The following KAZN variants were observed in gnomAD, a reference collection of about 807,000 sequenced individuals.
KAZN encodes the protein kazrin, periplakin interacting protein.
In KAZN, 40 loss-of-function variants were observed where a neutral mutation model predicts 87.4. The ratio of observed to expected loss-of-function variants is 0.46; its 90% CI spans 0.36 to 0.60. The LOEUF (loss-of-function observed/expected upper bound fraction) is 0.60, where lower values mean the gene tolerates loss of function less well. Ranked by LOEUF, KAZN falls within the 20% of genes least tolerant of loss-of-function variation. KAZN has a pLI of 0.00. For synonymous variants in KAZN, 466 were observed against 458.3 expected (o/e 1.02, Z -0.22); for missense variants, 898 against 1,073.9 (o/e 0.84, Z 2.29).
chr1:14,554,885 G>A (rs2148517667), intron 2 of KAZN, among the ~76,000 whole-genome samples: 1 of 152,272 alleles, frequency 6.6e-6, no homozygotes, highest in South Asian at 2.1e-4. Flanking sequence ...CCATCCCAGT[G>A]CTACACAAAC....
At chr1:14,758,482 A>AT (rs35168767) in intron 1 of KAZN, among the ~76,000 whole-genome samples, 15 of 149,988 alleles carry the variant, frequency 1.0e-4, no homozygotes, top group South Asian at 2.1e-4. Flanking sequence ...TAATTTTTTA[A>AT]TTTTTTTTTT....
intron 1 of KAZN, among the ~76,000 whole-genome samples, chr1:14,827,683 A>G (rs1201441548): frequency 1.3e-5 from 2 of 152,230 alleles, no homozygotes; most frequent in Non-Finnish European, 2.9e-5. Flanking sequence ...AGCAGCCGCC[A>G]CTGGCCCTTT....
intron 1 of KAZN, among the ~76,000 whole-genome samples, chr1:14,834,997 T>A (rs1647181415): frequency 6.6e-6 from 1 of 152,184 alleles, no homozygotes; most frequent in South Asian, 2.1e-4. Context: ...TCCCTAATGG[T>A]TTTATGTGTT....
intron 1 of KAZN, among the ~76,000 whole-genome samples, chr1:14,161,266 A>G (rs1377313309): frequency 1.3e-5 from 2 of 152,166 alleles, no homozygotes; most frequent in African/African-American, 4.8e-5. Flanking sequence ...TTATCTCACA[A>G]TGTCTATGGG....
chr1:13,938,919 G>A (rs1640837892), intron 1 of KAZN, among the ~76,000 whole-genome samples: 1 of 152,248 alleles, frequency 6.6e-6, no homozygotes, highest in South Asian at 2.1e-4. Context: ...TGGAGCAGGA[G>A]GGATGTGGGG....
At chr1:14,523,794 G>T (rs1671709684) in intron 2 of KAZN, among the ~76,000 whole-genome samples, 1 of 152,218 alleles carries the variant, frequency 6.6e-6, no homozygotes, top group African/African-American at 2.4e-5. Flanking sequence ...TCCTGGGGCT[G>T]CACAGAATGT....
chr1:13,901,852 G>A (rs564222765), intron 1 of KAZN, among the ~76,000 whole-genome samples: 9 of 152,344 alleles, frequency 5.9e-5, no homozygotes, highest in East Asian at 1.9e-4. Flanking sequence ...CTTGTTGTAC[G>A]ATGAAGTATG....
intron 1 of KAZN, chr1:14,924,689 T>A: frequency 2.0e-6 from 1 of 501,442 alleles, no homozygotes; most frequent in Non-Finnish European, 2.6e-6. Flanking sequence ...GTGGCAAAGT[T>A]CTCGCAGCGC....
At chr1:14,822,764 C>T (rs144484408) in intron 1 of KAZN, among the ~76,000 whole-genome samples, 59 of 152,294 alleles carry the variant, frequency 3.9e-4, no homozygotes, top group Middle Eastern at 6.8e-3. Flanking sequence ...TTCCCACTCA[C>T]CTCCATCGCT....
At chr1:15,065,813 G>A (rs962730808) in intron 8 of KAZN, 60 bp downstream of exon 8, 8 of 1,593,600 alleles carry the variant, frequency 5.0e-6, no homozygotes, top group Middle Eastern at 1.7e-4. Context: ...GCTCCCCTGC[G>A]CCTGCTGCCC....
At chr1:14,960,098 G>A (rs34876900) in intron 1 of KAZN, among the ~76,000 whole-genome samples, 12,417 of 152,192 alleles carry the variant, frequency 0.082, 1,675 homozygotes, top group African/African-American at 0.28. Flanking sequence ...TGAGCTCCTC[G>A]AGGGTATGTG....
chr1:13,960,389 A>G (rs1280069844), intron 1 of KAZN, among the ~76,000 whole-genome samples: 1 of 152,142 alleles, frequency 6.6e-6, no homozygotes, highest in Non-Finnish European at 1.5e-5. Flanking sequence ...GATTGTATCT[A>G]TGGCTTTTAT....
intron 4 of KAZN, among the ~76,000 whole-genome samples, chr1:15,048,610 CGCTG>C: frequency 7.6e-6 from 1 of 132,400 alleles, no homozygotes; most frequent in African/African-American, 4.1e-5. Flanking sequence ...GGTCCTGGGT[CGCTG>C]GTCCTGGGTC....
intron 2 of KAZN, among the ~76,000 whole-genome samples, chr1:14,425,611 T>G (rs1163680158): frequency 2.6e-5 from 4 of 152,140 alleles, no homozygotes; most frequent in African/African-American, 9.7e-5. Context: ...CCCCACTAAT[T>G]AATTCATCCA....
chr1:14,752,660 C>T (rs1211611667), intron 1 of KAZN, among the ~76,000 whole-genome samples: 2 of 152,108 alleles, frequency 1.3e-5, no homozygotes, highest in East Asian at 1.9e-4. Context: ...TGAGGGCAGA[C>T]CCCTCATGAC....
intron 2 of KAZN, among the ~76,000 whole-genome samples, chr1:14,403,264 C>T (rs1663571895): frequency 6.6e-6 from 1 of 152,140 alleles, no homozygotes; most frequent in Admixed American, 6.5e-5. Context: ...ATCCTTACTT[C>T]ACACCATACT....
rs1369111956 is a variant in KAZN at position 14,599,010 on chromosome 1, A to T, written c.13A>T (p.Asn5Tyr). The part of the protein sequence containing the change: MMED[N>Y]KQLALRIDGA... ...CAAAATCCTGAGCATGATGGAAGACAATAAGCAGCTCGCGCTCCGCATCGA... is the reference window on the plus strand; with the variant it reads ...CAAAATCCTGAGCATGATGGAAGACTATAAGCAGCTCGCGCTCCGCATCGA... Residue 5 changes from asparagine to tyrosine, a missense_variant, in exon 1 of 15, where the codon AAT becomes TAT. Around this residue, in one of 3 missense-constraint regions of KAZN, gnomAD observed 250 missense variants for 263.0 expected, o/e 0.95. Transcript: ENST00000376030. The surrounding 1 kb of genome is among the most constrained non-coding windows in gnomAD (Gnocchi z 4.4). 4.5e-6 allele frequency: 7 copies of T among 1,571,208 alleles called. No individual in the cohort carries two copies. Among genetic ancestry groups the T allele is most frequent in the Non-Finnish European group, 5.2e-6 (6 of 1,162,454 alleles).
intron 2 of KAZN, among the ~76,000 whole-genome samples, chr1:14,305,227 C>T (rs112550926): frequency 0.026 from 3,937 of 152,092 alleles, 159 homozygotes; most frequent in African/African-American, 0.089. Context: ...AAACCCATGT[C>T]GAAAGCAGAA....
At chr1:14,768,766 A>G (rs1325084214) in intron 1 of KAZN, among the ~76,000 whole-genome samples, 1 of 152,224 alleles carries the variant, frequency 6.6e-6, no homozygotes, top group Non-Finnish European at 1.5e-5. Context: ...ATTATGAGTA[A>G]TGACTCAAAG....
Sources: allele counts gnomAD v4.1 joint callset (sites outside exome capture counted in the v4.1 genomes callset), GRCh38; gene constraint gnomAD v4.1.1; regional missense constraint gnomAD v4.1.1; non-coding constraint Gnocchi (gnomAD v3.1); transcripts MANE v1.5; gene names NCBI Gene and HGNC (gene_info 2026-07-23, HGNC 2026-07-21).